Variants in CNTN3 observed in about 807,000 individuals in gnomAD.
CNTN3 encodes the protein contactin-3.
CNTN3 carries 60 observed loss-of-function variants against 119.1 expected under a neutral mutation model. That is an observed-to-expected ratio of 0.50 (90% CI 0.41 to 0.62). The LOEUF is 0.62. Ranked by LOEUF, CNTN3 falls within the 20% of genes least tolerant of loss-of-function variation. CNTN3 has a pLI of 0.00. For synonymous variants in CNTN3, 450 were observed against 438.7 expected, an observed-to-expected ratio of 1.03 and a Z score of -0.32; for missense variants, 1,101 against 1,242.4, an observed-to-expected ratio of 0.89 and a Z score of 1.71.
At chr3:74,351,803 A>G (rs899247143) in intron 11 of CNTN3, among the ~76,000 whole-genome samples, 1 of 152,078 alleles carries the variant, frequency 6.6e-6, no homozygotes, top group African/African-American at 2.4e-5. Context: ...CCCAAACCCA[A>G]ACTCTGGGAT....
At chr3:74,384,847 C>T (rs1378550924) in intron 5 of CNTN3, among the ~76,000 whole-genome samples, 1 of 152,164 alleles carries the variant, frequency 6.6e-6, no homozygotes, top group Non-Finnish European at 1.5e-5. Context: ...TACTGAACTG[C>T]TCATATTTGT....
At chr3:74,424,216 A>C (rs1701658718) in intron 5 of CNTN3, among the ~76,000 whole-genome samples, 1 of 152,036 alleles carries the variant, frequency 6.6e-6, no homozygotes, top group Non-Finnish European at 1.5e-5. Flanking sequence ...TACTGGGGAG[A>C]TAATAAAATT....
chr3:74,567,960 A>C (rs549609998), intron 1 of CNTN3, among the ~76,000 whole-genome samples: 8 of 152,338 alleles, frequency 5.3e-5, no homozygotes, highest in Admixed American at 2.6e-4. Context: ...CATTCTCTGT[A>C]AACTGGGAGT....
intron 11 of CNTN3, among the ~76,000 whole-genome samples, chr3:74,352,595 G>A (rs937934161): frequency 6.6e-6 from 1 of 152,112 alleles, no homozygotes. Context: ...GCTTTTTGAC[G>A]GCTCCTTGAT....
chr3:74,563,488 G>A (rs957928307), intron 1 of CNTN3, among the ~76,000 whole-genome samples: 1 of 151,940 alleles, frequency 6.6e-6, no homozygotes, highest in Admixed American at 6.6e-5. Context: ...CCTTTTACTG[G>A]TCGAGTGGGC....
At chr3:74,486,652 T>C (rs200842265) in intron 3 of CNTN3, 21 bp from the exon 4 acceptor site, 9 of 1,499,170 alleles carry the variant, frequency 6.0e-6, no homozygotes, top group Non-Finnish European at 7.1e-6. Context: ...AATATCAAGG[T>C]TCCCCCCCCT....
intron 4 of CNTN3, among the ~76,000 whole-genome samples, chr3:74,477,447 A>C (rs563050257): frequency 6.6e-6 from 1 of 152,282 alleles, no homozygotes; most frequent in Admixed American, 6.5e-5. Flanking sequence ...AGGATTTCTA[A>C]AAGATACAGA....
intron 2 of CNTN3, among the ~76,000 whole-genome samples, chr3:74,504,795 G>A (rs985732047): frequency 6.6e-6 from 1 of 152,042 alleles, no homozygotes; most frequent in Non-Finnish European, 1.5e-5. Context: ...TTCTCGGCTG[G>A]GAAGAAGGGT....
At chr3:74,471,809 T>C (rs1475833796) in intron 4 of CNTN3, among the ~76,000 whole-genome samples, 1 of 152,184 alleles carries the variant, frequency 6.6e-6, no homozygotes, top group Non-Finnish European at 1.5e-5. Flanking sequence ...AAAGCTAGTG[T>C]TTTCCTTTAT....
chr3:74,414,559 C>T (rs545405975), intron 5 of CNTN3, among the ~76,000 whole-genome samples: 104 of 152,206 alleles, frequency 6.8e-4, no homozygotes, highest in Non-Finnish European at 1.1e-3. Context: ...CAGGAAAGAC[C>T]CCACCCTATG....
chr3:74,442,182 GA>G (rs57348169), intron 4 of CNTN3, among the ~76,000 whole-genome samples: 29,854 of 138,056 alleles, frequency 0.22, 2,999 homozygotes, highest in Admixed American at 0.28. Context: ...CACACAGAGA[GA>G]GAGAGATTAT....
intron 1 of CNTN3, among the ~76,000 whole-genome samples, chr3:74,547,418 C>T (rs1485065277): frequency 6.6e-6 from 1 of 151,988 alleles, no homozygotes. Context: ...GGGGTAGATT[C>T]CCAGAAATCA....
intron 13 of CNTN3, among the ~76,000 whole-genome samples, chr3:74,322,645 C>G (rs1420629897): frequency 6.6e-6 from 1 of 152,212 alleles, no homozygotes; most frequent in Non-Finnish European, 1.5e-5. Flanking sequence ...CTCTTTGGTA[C>G]TTACCAAAAT....
Position 74,299,125 on chromosome 3 carries a change from T to C in CNTN3, c.2166+743A>G, listed in dbSNP as rs983247287. ...GGGGAGGTTGAGGTGGGAGAATCAC[T>C]TGAACCCAGGAGGTGGAGGTTGCAG... On this transcript the variant is annotated intron_variant, in intron 17 of 22. Coordinates refer to ENST00000263665, the MANE Select transcript of CNTN3 (RefSeq NM_020872.3). Among the ~76,000 whole-genome samples, 3 of 151,998 alleles carry C rather than the reference T, an allele frequency of 2.0e-5. No homozygotes were observed. The East Asian group carries it at 5.8e-4, about 29-fold the overall frequency.
chr3:74,278,903 G>A (rs145112607), intron 20 of CNTN3, among the ~76,000 whole-genome samples: 1 of 151,432 alleles, frequency 6.6e-6, no homozygotes, highest in East Asian at 1.9e-4. Context: ...ACTCAAATCA[G>A]CGGGAAAAAA....
intron 4 of CNTN3, among the ~76,000 whole-genome samples, chr3:74,480,273 T>C (rs1420050188): frequency 6.6e-6 from 1 of 152,118 alleles, no homozygotes; most frequent in Non-Finnish European, 1.5e-5. Context: ...AGAAACTGTC[T>C]TGTGATCACT....
At chr3:74,514,568 A>C (rs1703420577) in intron 2 of CNTN3, among the ~76,000 whole-genome samples, 1 of 152,106 alleles carries the variant, frequency 6.6e-6, no homozygotes, top group Admixed American at 6.6e-5. Flanking sequence ...TGATAAGAAT[A>C]ATACCATAAA....
At chr3:74,295,792 G>A (rs1466448742) in intron 18 of CNTN3, among the ~76,000 whole-genome samples, 2 of 152,082 alleles carry the variant, frequency 1.3e-5, no homozygotes, top group African/African-American at 4.8e-5. Flanking sequence ...TTTGTAAAAA[G>A]CACTGTTGAG....
At chr3:74,488,078 A>G (rs1216016203) in intron 3 of CNTN3, among the ~76,000 whole-genome samples, 1 of 150,774 alleles carries the variant, frequency 6.6e-6, no homozygotes, top group Non-Finnish European at 1.5e-5. Context: ...ATTATGTACT[A>G]AGTGTATTTT....
Sources: gnomAD v4.1 joint callset for allele counts (sites outside exome capture counted in the v4.1 genomes callset) on GRCh38, gnomAD v4.1.1 for gene constraint, MANE v1.5 for transcripts, NCBI Gene and HGNC (gene_info 2026-07-23, HGNC 2026-07-21) for gene names.